The following GRK6 variants were observed in gnomAD, a reference collection of about 807,000 sequenced individuals.
The protein encoded by GRK6 is G protein-coupled receptor kinase 6.
Under a neutral mutation model 80.8 loss-of-function variants are expected in GRK6, and 37 were observed. That is an observed-to-expected ratio of 0.46 (90% CI 0.35 to 0.60). The LOEUF (loss-of-function observed/expected upper bound fraction) is 0.60. GRK6 is among the 20% of genes least tolerant of loss of function. The pLI is 0.00. For synonymous variants in GRK6, 295 were observed against 320.9 expected (o/e 0.92, Z 0.86); for missense variants, 560 against 784.6 (o/e 0.71, Z 3.42).
chr5:177,427,847 C>T (rs1441361534), intron 1 of GRK6, among the ~76,000 whole-genome samples: 7 of 151,922 alleles, frequency 4.6e-5, no homozygotes, highest in Non-Finnish European at 7.3e-5. Context: ...TGCTGGGCTT[C>T]CAGGCTTAAA....
intron 7 of GRK6, 35 bp downstream of exon 7, chr5:177,433,445 A>G: frequency 6.2e-7 from 1 of 1,611,680 alleles, no homozygotes; most frequent in South Asian, 1.1e-5. Flanking sequence ...GGGAGAGTGA[A>G]TAGGGTGGGT....
At chr5:177,441,663 A>G in intron 15 of GRK6, 74 bp from the exon 16 acceptor site, 2 of 1,249,934 alleles carry the variant, frequency 1.6e-6, no homozygotes, top group Non-Finnish European at 2.4e-6. Context: ...GGTCGGCCCC[A>G]TGTGACGTCC....
In GRK6 at chr5:177,440,780, C is replaced by T; in HGVS notation, c.1485C>T (p.Asp495=). ...AGGGCGTGGAGCTGGAGCCTACCGA[C>T]CAGGACTTCTACCAGAAGTTTGCCA... The part of the protein sequence containing the change: ...TVKGVELEPT[D]QDFYQKFATG... The change falls in exon 14 of 16, where the codon GAC becomes GAT. Residue 495 remains aspartate (D), a synonymous_variant. Coordinates refer to ENST00000355472, the MANE Select transcript of GRK6 (RefSeq NM_001004106.3). 1.9e-6 allele frequency: 3 copies of T among 1,614,220 alleles called. No homozygotes were observed. Among genetic ancestry groups the T allele is most frequent in the Non-Finnish European group, 2.5e-6 (3 of 1,180,038 alleles).
At chr5:177,432,497 TG>T (rs1464912210) in intron 4 of GRK6, among the ~76,000 whole-genome samples, 187 bp downstream of exon 4, 1 of 152,236 alleles carries the variant, frequency 6.6e-6, no homozygotes, top group African/African-American at 2.4e-5. Context: ...GGGTATGGGC[TG>T]GGCTTGGGCC....
chr5:177,441,799 C>G lies in GRK6; in HGVS notation c.*9C>G, dbSNP rs1764523313. 1.2e-6 allele frequency: 2 copies of G among 1,610,536 alleles called. No individual in the cohort carries two copies. Among genetic ancestry groups the G allele is most frequent in the African/African-American group, 2.7e-5 (2 of 74,892 alleles). On this transcript the variant is annotated 3_prime_UTR_variant, in exon 16 of 16. Coordinates refer to ENST00000355472, the MANE Select transcript of GRK6 (RefSeq NM_001004106.3). ...TCCCCACCCGCCTCTAGCCCCCAGC[C>G]CGAGGCCCCCACCAGCAGTTGGCGG... is the stretch of plus-strand genomic sequence containing the variant.
chr5:177,433,829 T>A (rs2127374667), intron 8 of GRK6, 85 bp from the exon 9 acceptor site: 1 of 1,484,660 alleles, frequency 6.7e-7, no homozygotes, highest in East Asian at 2.3e-5. Context: ...GCCCAAGGAG[T>A]GGCACCGAGA....
In GRK6 at chr5:177,436,446, C is replaced by T. The variant is rs144043821; in HGVS notation, c.1320C>T (p.Arg440=). The change falls in exon 13 of 16, where the codon CGC becomes CGT. Residue 440 remains arginine, a synonymous_variant. Coordinates refer to ENST00000355472, the MANE Select transcript of GRK6 (RefSeq NM_001004106.3). ...TGGGGTGTCGTGGGGGCAGTGCCCG[C>T]GAGGTGAAGGAGCACCCCCTCTTTA... ...ERLGCRGGSA[R]EVKEHPLFKK... 2.8e-5 allele frequency: 45 copies of T among 1,612,938 alleles called. No homozygotes were observed. Among genetic ancestry groups the T allele is most frequent in the East Asian group, 1.1e-4 (5 of 44,860 alleles).
chr5:177,432,703 C>A lies in GRK6; in HGVS notation c.340-3C>A. 2 of 1,590,322 alleles carry A rather than the reference C, an allele frequency of 1.3e-6. No homozygotes were observed. Among genetic ancestry groups the A allele is most frequent in the East Asian group, 4.6e-5 (2 of 43,836 alleles). ...CACTGACCTGTCTGGGGCTTGTTCC[C>A]AGGGTCCTGACCTCATCCCTGAGGT... On this transcript the variant is annotated splice_polypyrimidine_tract_variant and splice_region_variant and intron_variant, in intron 4 of 15. Coordinates refer to ENST00000355472, the MANE Select transcript of GRK6 (RefSeq NM_001004106.3).
intron 15 of GRK6, 57 bp from the exon 16 acceptor site, chr5:177,441,680 G>T: frequency 7.0e-7 from 1 of 1,432,730 alleles, no homozygotes; most frequent in Non-Finnish European, 9.8e-7. Flanking sequence ...GTCCCTCGTG[G>T]TTAATGGCAC....
At chr5:177,436,044 C>T in intron 11 of GRK6, 29 bp from the exon 12 acceptor site, 1 of 1,598,364 alleles carries the variant, frequency 6.3e-7, no homozygotes, top group Non-Finnish European at 8.6e-7. Context: ...GCCTCCTGCC[C>T]AGCCCTAACT....
chr5:177,438,083 A>G (rs1764248854), intron 13 of GRK6, among the ~76,000 whole-genome samples: 1 of 152,198 alleles, frequency 6.6e-6, no homozygotes, highest in Non-Finnish European at 1.5e-5. Flanking sequence ...AAACTAAAGC[A>G]AGCGGCTGGG....
chr5:177,425,982 G>T (rs1763637960), upstream of GRK6, among the ~76,000 whole-genome samples: 1 of 152,270 alleles, frequency 6.6e-6, no homozygotes, highest in African/African-American at 2.4e-5. Flanking sequence ...AGAGGCCGAG[G>T]GAAGGCGAGG....
chr5:177,436,501 G>A lies in GRK6; in HGVS notation c.1375G>A (p.Gly459Ser), dbSNP rs2127377690. 1 of 1,607,130 alleles carries A rather than the reference G, an allele frequency of 6.2e-7. No individual in the cohort carries two copies. Among genetic ancestry groups the A allele is most frequent in the Non-Finnish European group, 8.5e-7 (1 of 1,176,690 alleles). Residue 459 changes from glycine (G) to serine (S), a missense_variant, in exon 13 of 16, where the codon GGC becomes AGC. Coordinates refer to ENST00000355472, the MANE Select transcript of GRK6 (RefSeq NM_001004106.3). ...GCTGAACTTCAAGCGGCTGGGAGCT[G>A]GCATGCTGGAGCCGCCGTTCAAGCC... Reference protein sequence around the residue: ...KKLNFKRLGAGMLEPPFKPDP... With the variant: ...KKLNFKRLGASMLEPPFKPDP...
intron 7 of GRK6, 27 bp downstream of exon 7, chr5:177,433,437 G>A: frequency 6.2e-7 from 1 of 1,612,296 alleles, no homozygotes; most frequent in South Asian, 1.1e-5. Flanking sequence ...GAGCCCCTGG[G>A]AGAGTGAATA....
chr5:177,427,705 C>T (rs1763729226), intron 1 of GRK6, among the ~76,000 whole-genome samples: 1 of 152,152 alleles, frequency 6.6e-6, no homozygotes, highest in Non-Finnish European at 1.5e-5. Flanking sequence ...CACACTCCAC[C>T]TCAGTAACAT....
chr5:177,431,949 TG>T (rs2127372301), intron 2 of GRK6, 45 bp from the exon 3 acceptor site: 1 of 1,551,340 alleles, frequency 6.4e-7, no homozygotes, highest in Non-Finnish European at 8.9e-7. Flanking sequence ...GCCCCACCCA[TG>T]TGCTCTCGGG....
rs1130857 is a variant in GRK6, at chr5:177,436,518, G to C, written c.1392G>C (p.Pro464=). 798,463 of 1,596,520 alleles carry C rather than the reference G, an allele frequency of 0.5. 206,293 individuals carry two copies. Among genetic ancestry groups the C allele is most frequent in the Non-Finnish European group, 0.54 (634,209 of 1,171,098 alleles). ...TGGGAGCTGGCATGCTGGAGCCGCC[G>C]TTCAAGCCTGACGTGAGTGCAGCCC... ...KRLGAGMLEP[P]FKPDPQAIYC... The change falls in exon 13 of 16, where the codon CCG becomes CCC. Residue 464 remains proline (P), a synonymous_variant. Coordinates refer to ENST00000355472, the MANE Select transcript of GRK6 (RefSeq NM_001004106.3).
Position 177,432,803 on chromosome 5 carries a change from C to A in GRK6, c.437C>A (p.Thr146Asn). 1 of 1,608,038 alleles carries A rather than the reference C, an allele frequency of 6.2e-7. No individual in the cohort carries two copies. The highest frequency in any genetic ancestry group is 2.2e-5 in the East Asian group (1 of 44,762). ...GPCKDLFQEL[T>N]RLTHEYLSVA... ...TGCAAAGACCTTTTCCAGGAACTCA[C>A]CCGGTAAGCCTGTCCCTGCCCACAA... Residue 146 changes from threonine (T) to asparagine (N), a missense_variant, in exon 5 of 16, where the codon ACC (threonine) becomes AAC (asparagine). Transcript: ENST00000355472.
At chr5:177,431,952 G>T (rs1554099211) in intron 2 of GRK6, 43 bp from the exon 3 acceptor site, 1 of 1,563,470 alleles carries the variant, frequency 6.4e-7, no homozygotes. Flanking sequence ...CCACCCATGT[G>T]CTCTCGGGCT....
Sources: allele counts gnomAD v4.1 joint callset (sites outside exome capture counted in the v4.1 genomes callset), GRCh38; gene constraint gnomAD v4.1.1; transcripts MANE v1.5; gene names NCBI Gene and HGNC (gene_info 2026-07-23, HGNC 2026-07-21).